The following MOSMO variants were observed in gnomAD, a reference collection of about 807,000 sequenced individuals.
MOSMO encodes the protein modulator of smoothened protein.
A neutral mutation model predicts 18.4 loss-of-function variants in MOSMO; 5 were observed. That is an observed-to-expected ratio of 0.27 (90% CI 0.14 to 0.57). The LOEUF is 0.57. Ranked by LOEUF, MOSMO falls within the 20% of genes least tolerant of loss-of-function variation. MOSMO has a pLI of 0.92. For synonymous variants in MOSMO, 82 were observed against 82.3 expected (o/e 1.00, Z 0.02); for missense variants, 138 against 211.8 (o/e 0.65, Z 2.16).
At position 22,075,535 on chromosome 16, in the gene MOSMO, G is replaced by A. The variant is rs745572263; in HGVS notation, c.155G>A (p.Arg52Gln). Residue 52 changes from arginine (R) to glutamine (Q), a missense_variant, in exon 2 of 3, where the codon CGA (arginine) becomes CAA (glutamine). By Grantham distance (43) the Arg-to-Gln change is conservative. Transcript: ENST00000542527. ...CGACAGTGTCAAACAATCCATGGAC[G>A]AGACCGGACGTGCATCCCTCCCCGG... The part of the protein sequence containing the change: ...LVRQCQTIHG[R>Q]DRTCIPPRLP... 2.1e-5 allele frequency: 32 copies of A among 1,537,200 alleles called. No homozygotes were observed. The highest frequency in any genetic ancestry group is 5.5e-5 in the African/African-American group (4 of 73,040).
intron 1 of MOSMO, among the ~76,000 whole-genome samples, chr16:22,065,602 T>G (rs1437511827): frequency 6.6e-6 from 1 of 152,238 alleles, no homozygotes; most frequent in Non-Finnish European, 1.5e-5. Flanking sequence ...TGTCTTGTAC[T>G]GTCCTGTGTA....
intron 1 of MOSMO, among the ~76,000 whole-genome samples, chr16:22,036,699 C>A (rs909750070): frequency 2.0e-5 from 3 of 152,148 alleles, no homozygotes; most frequent in African/African-American, 4.8e-5. Flanking sequence ...CCCCCACCCC[C>A]ACTTGGCCTC....
At chr16:22,032,338 A>G (rs1900013317) in intron 1 of MOSMO, among the ~76,000 whole-genome samples, 1 of 151,920 alleles carries the variant, frequency 6.6e-6, no homozygotes, top group African/African-American at 2.4e-5. Context: ...TTACAGGTGC[A>G]TGCCACCATG....
intron 1 of MOSMO, among the ~76,000 whole-genome samples, chr16:22,066,895 C>T (rs906322480): frequency 3.3e-5 from 5 of 152,086 alleles, no homozygotes; most frequent in African/African-American, 4.8e-5. Flanking sequence ...AAAATAAAAG[C>T]GTTCAATAGA....
intron 1 of MOSMO, among the ~76,000 whole-genome samples, chr16:22,058,622 TGGGGGAAAGAA>T (rs1240599050): frequency 6.6e-6 from 1 of 151,912 alleles, no homozygotes; most frequent in Non-Finnish European, 1.5e-5. Context: ...TGGGAACCTA[TGGGGGAAAGAA>T]GGGGAAGGAG....
At chr16:22,052,293 A>G (rs1407770567) in intron 1 of MOSMO, among the ~76,000 whole-genome samples, 2 of 152,214 alleles carry the variant, frequency 1.3e-5, no homozygotes, top group Middle Eastern at 3.2e-3. Flanking sequence ...AGCCCTGTAT[A>G]TGCTAATATG....
chr16:22,072,704 C>T (rs1276260848), intron 1 of MOSMO, among the ~76,000 whole-genome samples: 1 of 151,050 alleles, frequency 6.6e-6, no homozygotes, highest in African/African-American at 2.4e-5. Context: ...CCCAGCAGCT[C>T]GGGAGGCTGA....
intron 1 of MOSMO, among the ~76,000 whole-genome samples, chr16:22,028,369 T>G (rs996965545): frequency 5.0e-5 from 2 of 40,182 alleles, no homozygotes; most frequent in Non-Finnish European, 7.4e-5. Flanking sequence ...CTTTTTTATG[T>G]TTTTTTTTTT....
Position 22,008,150 on chromosome 16 carries a change from G to T in MOSMO, c.-152G>T. The T allele has an allele frequency of 1.3e-5, 2 of 158,922 alleles. No individual in the cohort carries two copies. The highest frequency in any genetic ancestry group is 1.8e-4 in the South Asian group (1 of 5,630). 9.8% of individuals were successfully genotyped at this position (158,922 alleles called of 1,614,324 possible). A position where few individuals can be genotyped will look rare whatever the true frequency, so the allele number is the denominator to read the frequency against. On this transcript the variant is annotated 5_prime_UTR_variant, in exon 1 of 3. Coordinates refer to ENST00000542527, the MANE Select transcript of MOSMO (RefSeq NM_001164579.2). The stretch of plus-strand genomic sequence containing the variant: ...GGGCCGCGCCGCGGCTGCTGGTCCC[G>T]GGCGCGCGGAGGGCGCGAGCGGCGC...
chr16:22,020,259 G>A (rs1421193117), intron 1 of MOSMO, among the ~76,000 whole-genome samples: 1 of 145,758 alleles, frequency 6.9e-6, no homozygotes, highest in Non-Finnish European at 1.5e-5. Context: ...AGAAAATGAA[G>A]TCCAGCTACT....
At chr16:22,074,572 C>A (rs1003475777) in intron 1 of MOSMO, among the ~76,000 whole-genome samples, 3 of 152,140 alleles carry the variant, frequency 2.0e-5, no homozygotes, top group African/African-American at 7.2e-5. Context: ...TGAAAACATT[C>A]TTCTTATTGG....
At chr16:22,044,357 C>T (rs1013559955) in intron 1 of MOSMO, among the ~76,000 whole-genome samples, 1 of 152,154 alleles carries the variant, frequency 6.6e-6, no homozygotes, top group Non-Finnish European at 1.5e-5. Flanking sequence ...TTATTAAGTA[C>T]TTCTGTGTGC....
At chr16:22,075,201 C>T (rs1263705198) in intron 1 of MOSMO, 4 of 446,446 alleles carry the variant, frequency 9.0e-6, no homozygotes, top group South Asian at 1.8e-5. Context: ...TAGAAAAATA[C>T]CTGACACAAT....
intron 1 of MOSMO, among the ~76,000 whole-genome samples, chr16:22,069,636 T>G (rs963218789): frequency 1.3e-5 from 2 of 152,192 alleles, no homozygotes; most frequent in African/African-American, 2.4e-5. Context: ...ATGTTAAGCA[T>G]CCATTAGAGT....
intron 1 of MOSMO, among the ~76,000 whole-genome samples, chr16:22,074,239 G>A (rs550846191): frequency 7.9e-5 from 12 of 152,182 alleles, no homozygotes; most frequent in Non-Finnish European, 1.3e-4. Context: ...CTATGATTTC[G>A]AGGTCAATGT....
chr16:22,075,448 A>G (rs1307797847), intron 1 of MOSMO, 39 bp from the exon 2 acceptor site: 1 of 1,282,532 alleles, frequency 7.8e-7, no homozygotes, highest in South Asian at 1.7e-5. Context: ...TGGACAGGCC[A>G]AACCCACTAA....
intron 1 of MOSMO, among the ~76,000 whole-genome samples, chr16:22,049,692 C>G (rs1900384747): frequency 6.6e-6 from 1 of 152,074 alleles, no homozygotes. Flanking sequence ...AAAGTTTTCC[C>G]TATTCCTAAG....
chr16:22,026,990 A>T (rs1899889850), intron 1 of MOSMO, among the ~76,000 whole-genome samples: 1 of 152,174 alleles, frequency 6.6e-6, no homozygotes, highest in African/African-American at 2.4e-5. Flanking sequence ...TCCATTTTTT[A>T]AATCACTCCT....
At chr16:22,008,535 C>A in intron 1 of MOSMO, 128 bp downstream of exon 1, 1 of 561,464 alleles carries the variant, frequency 1.8e-6, no homozygotes, top group Non-Finnish European at 3.0e-6. Flanking sequence ...AGACCGGGGG[C>A]GGAGGGGAGA....
Sources: allele counts gnomAD v4.1 joint callset (sites outside exome capture counted in the v4.1 genomes callset), GRCh38; gene constraint gnomAD v4.1.1; transcripts MANE v1.5; gene names NCBI Gene and HGNC (gene_info 2026-07-23, HGNC 2026-07-21).